FCHSD2: variants seen among roughly 807,000 people sequenced by gnomAD.
FCHSD2 encodes the protein F-BAR and double SH3 domains protein 2.
FCHSD2 carries 38 observed loss-of-function variants against 108.1 expected under a neutral mutation model. The ratio of observed to expected loss-of-function variants is 0.35; its 90% CI spans 0.27 to 0.46. FCHSD2 has a LOEUF of 0.46. Ranked by LOEUF, FCHSD2 falls within the 20% of genes least tolerant of loss-of-function variation. The pLI, the probability that FCHSD2 is intolerant of heterozygous loss-of-function variation, is 1.00. For missense variants in FCHSD2, 751 were observed against 897.8 expected (o/e 0.84, Z 2.09); for synonymous variants, 279 against 314.7 (o/e 0.89, Z 1.20).
chr11:73,067,543 C>G (rs989003947), intron 3 of FCHSD2, among the ~76,000 whole-genome samples: 19 of 151,822 alleles, frequency 1.3e-4, no homozygotes, highest in Admixed American at 4.6e-4. Flanking sequence ...TTTGAACTTC[C>G]CCTCTGGTTC....
intron 12 of FCHSD2, among the ~76,000 whole-genome samples, chr11:72,883,143 A>C (rs55742663): frequency 0.025 from 3,756 of 152,246 alleles, 152 homozygotes; most frequent in African/African-American, 0.087. Context: ...ACCAAACATG[A>C]CCCTTAACTC....
chr11:72,935,806 G>A (rs943481907), intron 8 of FCHSD2, among the ~76,000 whole-genome samples: 3 of 152,178 alleles, frequency 2.0e-5, no homozygotes, highest in East Asian at 3.8e-4. Context: ...TTCTGTGAAA[G>A]AGGAAACAAA....
intron 14 of FCHSD2, among the ~76,000 whole-genome samples, chr11:72,848,957 A>G (rs1000100808): frequency 2.0e-5 from 3 of 152,242 alleles, no homozygotes; most frequent in Non-Finnish European, 4.4e-5. Flanking sequence ...TAACACTTTC[A>G]ATGAACAGGA....
chr11:73,093,506 G>A (rs540659261), intron 2 of FCHSD2, among the ~76,000 whole-genome samples: 1 of 152,216 alleles, frequency 6.6e-6, no homozygotes, highest in African/African-American at 2.4e-5. Context: ...TGTCTTAGAA[G>A]AGCTGTAATG....
In FCHSD2 at chr11:72,913,257, T is replaced by C. The variant is rs150462084; in HGVS notation, c.828+8571A>G. 8.2e-3 allele frequency among the ~76,000 whole-genome samples: 1,255 copies of C among 152,266 alleles called. 31 individuals carry two copies. The highest frequency in any genetic ancestry group is 6.8e-3 in the South Asian group (33 of 4,830). On this transcript the variant is annotated intron_variant, in intron 9 of 19. Coordinates refer to ENST00000409418, the MANE Select transcript of FCHSD2 (RefSeq NM_014824.3). ...ACCATATTGGTAGGTTGCATGCATCTAGGAATTTATCCATTTTTTTTCTTT... is the reference window on the plus strand; with the variant it reads ...ACCATATTGGTAGGTTGCATGCATCCAGGAATTTATCCATTTTTTTTCTTT...
intron 3 of FCHSD2, among the ~76,000 whole-genome samples, chr11:73,040,493 G>C (rs1013074554): frequency 9.2e-5 from 14 of 152,162 alleles, no homozygotes; most frequent in Admixed American, 7.9e-4. Flanking sequence ...AAGTCTTGTT[G>C]AGCAGATCTA....
intron 2 of FCHSD2, among the ~76,000 whole-genome samples, chr11:73,127,041 C>T (rs946231875): frequency 3.9e-5 from 6 of 152,180 alleles, no homozygotes; most frequent in African/African-American, 9.6e-5. Flanking sequence ...GTCTCAAAAG[C>T]AAACAACAAA....
rs201620143 is a variant in FCHSD2, at chr11:73,000,965, A to G, written c.387+25T>C. The G allele has an allele frequency of 4.3e-5, 67 of 1,576,276 alleles. No homozygotes were observed. The Middle Eastern group carries it at 8.5e-4, about 20-fold the overall frequency. On this transcript the variant is annotated intron_variant, in intron 5 of 19. Coordinates refer to ENST00000409418, the MANE Select transcript of FCHSD2 (RefSeq NM_014824.3). The stretch of plus-strand genomic sequence containing the variant: ...GTAGCACTGGGATATTAAAATGCAT[A>G]TAAGAACAGAAATAAAAACAATACC...
chr11:73,050,244 T>C (rs1457082779), intron 3 of FCHSD2, among the ~76,000 whole-genome samples: 1 of 152,186 alleles, frequency 6.6e-6, no homozygotes, highest in Non-Finnish European at 1.5e-5. Flanking sequence ...ACAGCCCTAG[T>C]TTGCCAGCCT....
intron 8 of FCHSD2, among the ~76,000 whole-genome samples, chr11:72,953,920 T>A (rs1856662516): frequency 6.6e-6 from 1 of 152,134 alleles, no homozygotes; most frequent in Non-Finnish European, 1.5e-5. Flanking sequence ...CCAATATGAT[T>A]AAATTACAGT....
chr11:73,015,657 A>G (rs1193980941), intron 4 of FCHSD2, among the ~76,000 whole-genome samples, 152 bp downstream of exon 4: 1 of 152,214 alleles, frequency 6.6e-6, no homozygotes, highest in Non-Finnish European at 1.5e-5. Context: ...GTTATAAAAC[A>G]TTAAAATTTT....
chr11:72,904,588 T>A (rs1379262548), intron 9 of FCHSD2, among the ~76,000 whole-genome samples: 2 of 152,214 alleles, frequency 1.3e-5, no homozygotes, highest in African/African-American at 4.8e-5. Flanking sequence ...TATAAATATT[T>A]CAGTATGACA....
chr11:73,034,463 C>T (rs1858439435), intron 3 of FCHSD2, among the ~76,000 whole-genome samples: 1 of 152,162 alleles, frequency 6.6e-6, no homozygotes, highest in Admixed American at 6.6e-5. Flanking sequence ...TGATTACACA[C>T]CAGAAACTGT....
intron 10 of FCHSD2, among the ~76,000 whole-genome samples, chr11:72,891,495 G>A (rs1361984146): frequency 6.6e-6 from 1 of 152,032 alleles, no homozygotes; most frequent in African/African-American, 2.4e-5. Context: ...CAGAAGTTTG[G>A]GAATGAACTT....
chr11:73,137,593 G>A (rs922452514), intron 2 of FCHSD2, among the ~76,000 whole-genome samples: 5 of 152,208 alleles, frequency 3.3e-5, no homozygotes, highest in Admixed American at 2.6e-4. Flanking sequence ...TAACTTCAAA[G>A]ACTTCATCTG....
chr11:72,964,566 A>G (rs1423817416), intron 8 of FCHSD2, among the ~76,000 whole-genome samples: 1 of 152,140 alleles, frequency 6.6e-6, no homozygotes, highest in African/African-American at 2.4e-5. Flanking sequence ...GGAGTCTAGC[A>G]GAGTTCCTGA....
At chr11:72,932,492 C>T (rs923533003) in intron 8 of FCHSD2, among the ~76,000 whole-genome samples, 2 of 152,192 alleles carry the variant, frequency 1.3e-5, no homozygotes, top group Non-Finnish European at 2.9e-5. Flanking sequence ...ATTCTCCTTC[C>T]GTATTACACC....
intron 3 of FCHSD2, 145 bp downstream of exon 3, chr11:73,083,550 A>G (rs1859746409): frequency 4.9e-6 from 3 of 607,226 alleles, no homozygotes; most frequent in Non-Finnish European, 8.7e-6. Context: ...TCCATCTCAG[A>G]AAAAAAGAAA....
At chr11:72,951,938 A>G (rs1277816177) in intron 8 of FCHSD2, among the ~76,000 whole-genome samples, 1 of 152,168 alleles carries the variant, frequency 6.6e-6, no homozygotes, top group African/African-American at 2.4e-5. Context: ...TAACAGCTAT[A>G]CTCTTTCTTT....
Sources: gnomAD v4.1 joint callset for allele counts (sites outside exome capture counted in the v4.1 genomes callset) on GRCh38, gnomAD v4.1.1 for gene constraint, MANE v1.5 for transcripts, NCBI Gene and HGNC (gene_info 2026-07-23, HGNC 2026-07-21) for gene names.